The following SIPA1L2 variants were observed in gnomAD, a reference collection of about 807,000 sequenced individuals.
The protein encoded by SIPA1L2 is signal induced proliferation associated 1 like 2.
A neutral mutation model predicts 163.9 loss-of-function variants in SIPA1L2; 56 were observed. The ratio of observed to expected loss-of-function variants is 0.34; its 90% confidence interval spans 0.28 to 0.43. The LOEUF (loss-of-function observed/expected upper bound fraction) is 0.43. SIPA1L2 is among the 20% of genes least tolerant of loss of function. The pLI, the probability that SIPA1L2 is intolerant of heterozygous loss-of-function variation, is 1.00. For synonymous variants in SIPA1L2, 877 were observed against 865.7 expected (o/e 1.01, Z -0.23); for missense variants, 1,974 against 2,193.5 (o/e 0.90, Z 2.00).
chr1:232,511,897 G>A (rs749629011), intron 3 of SIPA1L2, among the ~76,000 whole-genome samples: 1 of 152,136 alleles, frequency 6.6e-6, no homozygotes, highest in Non-Finnish European at 1.5e-5. Flanking sequence ...AAACTAAAGA[G>A]CTTCTACACA....
At chr1:232,564,919 G>A (rs909182780) in intron 2 of SIPA1L2, among the ~76,000 whole-genome samples, 2 of 152,140 alleles carry the variant, frequency 1.3e-5, no homozygotes, top group Non-Finnish European at 2.9e-5. Context: ...GATGAGAGGA[G>A]GGAGAGCATC....
At chr1:232,594,248 G>C (rs899785300) in intron 1 of SIPA1L2, among the ~76,000 whole-genome samples, 1 of 152,220 alleles carries the variant, frequency 6.6e-6, no homozygotes, top group African/African-American at 2.4e-5. Context: ...GAACAAAGGA[G>C]AGCGTTGCCA....
chr1:232,473,852 A>G (rs1041281174), intron 7 of SIPA1L2, among the ~76,000 whole-genome samples: 2 of 152,212 alleles, frequency 1.3e-5, no homozygotes, highest in Non-Finnish European at 2.9e-5. Flanking sequence ...AGAATATAAT[A>G]AGAAAAATGA....
chr1:232,515,112 C>G lies in SIPA1L2; in HGVS notation c.228G>C (p.Val76=). ...NGTPAVPKMG[V]RARVSEWPPK... ...GAGGCCATTCAGACACCCTTGCTCT[C>G]ACACCCATCTTGGGCACAGCTGGGG... Residue 76 remains valine, a synonymous_variant, in exon 3 of 23, where the codon GTG becomes GTC. Coordinates refer to ENST00000674635, the MANE Select transcript of SIPA1L2 (RefSeq NM_020808.5). 6.2e-7 allele frequency: 1 copy of G among 1,614,010 alleles called. No individual in the cohort carries two copies. The highest frequency in any genetic ancestry group is 1.1e-5 in the South Asian group (1 of 91,076).
chr1:232,601,564 A>C (rs1661595322), intron 1 of SIPA1L2, among the ~76,000 whole-genome samples: 1 of 152,204 alleles, frequency 6.6e-6, no homozygotes, highest in Non-Finnish European at 1.5e-5. Context: ...TCCAGTTTTT[A>C]TGTGTCTTCA....
Position 232,415,001 on chromosome 1 carries a change from G to A in SIPA1L2, c.4762+493C>T, listed in dbSNP as rs942785498. The stretch of plus-strand genomic sequence containing the variant: ...ACCCACATTTTAAGAGGAAGAAGCC[G>A]AGGCCTCAACAGCCAAAGACACTTG... On this transcript the variant is annotated intron_variant, in intron 19 of 22. Transcript: ENST00000674635. 4.6e-5 allele frequency among the ~76,000 whole-genome samples: 7 copies of A among 152,298 alleles called. 1 individual carries two copies. In the South Asian group the frequency reaches 1.5e-3, roughly 32 times the overall value.
chr1:232,482,909 A>C (rs1044795009), intron 6 of SIPA1L2, among the ~76,000 whole-genome samples: 1 of 152,224 alleles, frequency 6.6e-6, no homozygotes, highest in Non-Finnish European at 1.5e-5. Context: ...GCTCCTTCAG[A>C]TCCTCCAAGT....
At chr1:232,605,618 T>C (rs561087140) in intron 1 of SIPA1L2, among the ~76,000 whole-genome samples, 1 of 152,144 alleles carries the variant, frequency 6.6e-6, no homozygotes, top group East Asian at 1.9e-4. Flanking sequence ...CGCTTGAACC[T>C]GGGAGGCGGA....
At chr1:232,537,910 T>C (rs934928339) in intron 2 of SIPA1L2, among the ~76,000 whole-genome samples, 19 of 152,250 alleles carry the variant, frequency 1.2e-4, no homozygotes, top group African/African-American at 4.3e-4. Context: ...CCTCTAACTA[T>C]GATATTTAAG....
rs574523143 is a variant in SIPA1L2, at chr1:232,475,871, CTCTT to C, written c.2085+3752_2085+3755del. 2.9e-3 allele frequency among the ~76,000 whole-genome samples: 447 copies of C among 152,282 alleles called. 1 individual carries two copies. The highest frequency in any genetic ancestry group is 4.3e-3 in the Non-Finnish European group (294 of 68,000). ...AACAGGATTATGAAGATATAAATGT[CTCTT>C]TCTTCTTTCTGTCACTAGGCAATAC... On this transcript the variant is annotated intron_variant, in intron 7 of 22. Coordinates refer to ENST00000674635, the MANE Select transcript of SIPA1L2 (RefSeq NM_020808.5).
chr1:232,548,141 TA>T (rs1330961889), intron 2 of SIPA1L2, among the ~76,000 whole-genome samples: 9 of 152,086 alleles, frequency 5.9e-5, no homozygotes, highest in African/African-American at 2.2e-4. Flanking sequence ...ATTACTTGAG[TA>T]AAAGAAAAAT....
At chr1:232,590,531 GA>G (rs1395146539) in intron 1 of SIPA1L2, among the ~76,000 whole-genome samples, 1 of 152,200 alleles carries the variant, frequency 6.6e-6, no homozygotes, top group Admixed American at 6.5e-5. Flanking sequence ...GGGTATGGAG[GA>G]GAAACACAGT....
chr1:232,622,051 T>A (rs934840389), intron 1 of SIPA1L2, among the ~76,000 whole-genome samples: 2 of 152,150 alleles, frequency 1.3e-5, no homozygotes, highest in African/African-American at 4.8e-5. Context: ...ATGGGAAAAA[T>A]GACCTATTAT....
intron 2 of SIPA1L2, among the ~76,000 whole-genome samples, chr1:232,552,750 T>C (rs989710516): frequency 3.9e-5 from 6 of 152,256 alleles, no homozygotes; most frequent in African/African-American, 1.4e-4. Flanking sequence ...AGAAATAACA[T>C]TCATGAAATA....
chr1:232,444,680 C>CCA (rs1192190004), intron 11 of SIPA1L2, among the ~76,000 whole-genome samples: 1 of 152,110 alleles, frequency 6.6e-6, no homozygotes, highest in East Asian at 1.9e-4. Context: ...ATACATTGAC[C>CCA]CACTCAGTCC....
intron 2 of SIPA1L2, among the ~76,000 whole-genome samples, chr1:232,544,287 C>T (rs151122139): frequency 2.6e-5 from 4 of 152,250 alleles, no homozygotes; most frequent in East Asian, 1.9e-4. Flanking sequence ...AGCGGCCGGG[C>T]GCAATGGCTC....
intron 19 of SIPA1L2, among the ~76,000 whole-genome samples, chr1:232,415,195 C>G (rs990208744): frequency 3.9e-5 from 6 of 152,220 alleles, no homozygotes; most frequent in Admixed American, 1.3e-4. Context: ...ATACAATCAC[C>G]TCTACTTTTC....
rs192095468 is a variant in SIPA1L2 at position 232,622,448 on chromosome 1, C to T, written c.-319+7421G>A. The stretch of plus-strand genomic sequence containing the variant: ...GAGAGCTAAAGGACTACAGACAGTA[C>T]TACACAATTCAGAAATCCTTTCTGT... On this transcript the variant is annotated intron_variant, in intron 1 of 22. Transcript: ENST00000674635. 5.2e-3 allele frequency among the ~76,000 whole-genome samples: 790 copies of T among 152,312 alleles called. 4 individuals are homozygous for T. Among genetic ancestry groups the T allele is most frequent in the Non-Finnish European group, 7.2e-3 (489 of 68,028 alleles).
At chr1:232,630,403 G>T (rs1663330145), upstream of SIPA1L2, among the ~76,000 whole-genome samples, 1 of 152,122 alleles carries the variant, frequency 6.6e-6, no homozygotes, top group South Asian at 2.1e-4. Flanking sequence ...AGCGGCGCTG[G>T]GCGAGCTCGA....
Sources: allele counts gnomAD v4.1 joint callset (sites outside exome capture counted in the v4.1 genomes callset), GRCh38; gene constraint gnomAD v4.1.1; transcripts MANE v1.5; gene names NCBI Gene and HGNC (gene_info 2026-07-23, HGNC 2026-07-21).